Variants in ZMAT4 observed in about 807,000 individuals in gnomAD.
The protein encoded by ZMAT4 is zinc finger matrin-type 4.
ZMAT4 carries 17 observed loss-of-function variants against 28.7 expected under a neutral mutation model. The observed-to-expected ratio is 0.59, with a 90% CI of 0.41 to 0.89. The LOEUF is 0.89. ZMAT4 is among the 40% of genes least tolerant of loss of function. The pLI is 0.00. For synonymous variants in ZMAT4, 117 were observed against 109.2 expected (o/e 1.07, Z -0.44); for missense variants, 240 against 283.8 (o/e 0.85, Z 1.11).
At chr8:40,771,660 A>G (rs1813393830) in intron 2 of ZMAT4, among the ~76,000 whole-genome samples, 1 of 152,216 alleles carries the variant, frequency 6.6e-6, no homozygotes, top group Admixed American at 6.5e-5. Context: ...TTAACCCAAG[A>G]GCAATATATG....
intron 5 of ZMAT4, among the ~76,000 whole-genome samples, chr8:40,646,519 T>C (rs1807324068): frequency 6.6e-6 from 1 of 152,134 alleles, no homozygotes; most frequent in Non-Finnish European, 1.5e-5. Flanking sequence ...GATTATATAG[T>C]TGACAGTGTA....
intron 1 of ZMAT4, among the ~76,000 whole-genome samples, chr8:40,842,997 G>A (rs751498572): frequency 2.6e-5 from 4 of 151,992 alleles, no homozygotes; most frequent in African/African-American, 7.2e-5. Flanking sequence ...GGCTGGTCTC[G>A]AACTCCAGAC....
chr8:40,630,730 T>C (rs1373462804), intron 5 of ZMAT4, among the ~76,000 whole-genome samples: 1 of 152,236 alleles, frequency 6.6e-6, no homozygotes, highest in Non-Finnish European at 1.5e-5. Flanking sequence ...ACATGACATA[T>C]GAGCACTCTA....
At chr8:40,711,991 C>A (rs1268450462) in intron 3 of ZMAT4, among the ~76,000 whole-genome samples, 1 of 152,078 alleles carries the variant, frequency 6.6e-6, no homozygotes, top group East Asian at 1.9e-4. Flanking sequence ...AAGATGAATT[C>A]CAGTTTAAAA....
chr8:40,562,443 T>C (rs570225243), intron 6 of ZMAT4, among the ~76,000 whole-genome samples: 1 of 151,298 alleles, frequency 6.6e-6, no homozygotes, highest in Non-Finnish European at 1.5e-5. Context: ...AGACTACTTT[T>C]ATGAAATTCC....
intron 1 of ZMAT4, among the ~76,000 whole-genome samples, chr8:40,826,427 T>C (rs1241458742): frequency 1.3e-5 from 2 of 152,200 alleles, no homozygotes; most frequent in East Asian, 1.9e-4. Context: ...AGCACTTATC[T>C]TTGGGAAATG....
chr8:40,865,843 T>G (rs916984796), intron 1 of ZMAT4, among the ~76,000 whole-genome samples: 1 of 152,188 alleles, frequency 6.6e-6, no homozygotes, highest in African/African-American at 2.4e-5. Context: ...CGCCATTTGC[T>G]AAACAGCAAT....
At chr8:40,813,718 C>T (rs958328662) in intron 2 of ZMAT4, among the ~76,000 whole-genome samples, 18 of 152,156 alleles carry the variant, frequency 1.2e-4, no homozygotes, top group Admixed American at 2.0e-4. Flanking sequence ...TTCCAGAAGA[C>T]GTATTGACAA....
At chr8:40,631,259 G>A (rs1234387124) in intron 5 of ZMAT4, among the ~76,000 whole-genome samples, 1 of 152,118 alleles carries the variant, frequency 6.6e-6, no homozygotes, top group East Asian at 1.9e-4. Flanking sequence ...TGCAACCTCT[G>A]CAATTCTCTT....
chr8:40,559,959 C>T (rs905609867), intron 6 of ZMAT4, among the ~76,000 whole-genome samples: 2 of 152,142 alleles, frequency 1.3e-5, no homozygotes, highest in East Asian at 3.9e-4. Context: ...CTTCCTCAGG[C>T]AGAAACCGCA....
chr8:40,868,355 T>A (rs1195403649), intron 1 of ZMAT4, among the ~76,000 whole-genome samples: 4 of 152,174 alleles, frequency 2.6e-5, no homozygotes. Flanking sequence ...TGCCTGCAGC[T>A]CCTTGCAGCT....
intron 5 of ZMAT4, among the ~76,000 whole-genome samples, chr8:40,638,780 A>G (rs762941352): frequency 4.4e-4 from 67 of 152,260 alleles, no homozygotes; most frequent in Admixed American, 1.6e-3. Context: ...GATTATATCC[A>G]CTATTTGGAT....
chr8:40,847,921 C>T (rs910559398), intron 1 of ZMAT4, among the ~76,000 whole-genome samples: 4 of 152,190 alleles, frequency 2.6e-5, no homozygotes, highest in African/African-American at 4.8e-5. Flanking sequence ...CCACAGATTA[C>T]GTGAAATCAT....
At chr8:40,851,233 C>T (rs1267295744) in intron 1 of ZMAT4, among the ~76,000 whole-genome samples, 1 of 152,152 alleles carries the variant, frequency 6.6e-6, no homozygotes, top group African/African-American at 2.4e-5. Context: ...GAGGCTAAGG[C>T]TGGAGAATCG....
chr8:40,724,267 G>T (rs762268783), intron 3 of ZMAT4, among the ~76,000 whole-genome samples: 2 of 152,152 alleles, frequency 1.3e-5, no homozygotes, highest in African/African-American at 4.8e-5. Context: ...GGGAAAAAGG[G>T]ATGGCAACAC....
chr8:40,686,187 A>T (rs1280676146), intron 4 of ZMAT4, among the ~76,000 whole-genome samples: 1 of 152,096 alleles, frequency 6.6e-6, no homozygotes, highest in African/African-American at 2.4e-5. Flanking sequence ...TTTTATTAAG[A>T]TGTATTAATT....
intron 1 of ZMAT4, among the ~76,000 whole-genome samples, chr8:40,827,436 G>T (rs1816103422): frequency 6.6e-6 from 1 of 152,112 alleles, no homozygotes; most frequent in Admixed American, 6.6e-5. Flanking sequence ...AGTGAACTGT[G>T]GTTCACTTTA....
chr8:40,780,885 T>C (rs758000525), intron 2 of ZMAT4, among the ~76,000 whole-genome samples: 7 of 152,042 alleles, frequency 4.6e-5, no homozygotes, highest in Non-Finnish European at 7.4e-5. Context: ...AGCAATGAAG[T>C]TTCCCAACCT....
intron 1 of ZMAT4, among the ~76,000 whole-genome samples, chr8:40,839,671 T>C (rs1203354147): frequency 6.6e-6 from 1 of 152,134 alleles, no homozygotes; most frequent in African/African-American, 2.4e-5. Flanking sequence ...CATGAATGGA[T>C]TGGAGGTCGA....
Sources: gnomAD v4.1 joint callset for allele counts (sites outside exome capture counted in the v4.1 genomes callset) on GRCh38, gnomAD v4.1.1 for gene constraint, MANE v1.5 for transcripts, NCBI Gene and HGNC (gene_info 2026-07-23, HGNC 2026-07-21) for gene names.